RFTN1: variants seen among roughly 807,000 people sequenced by gnomAD.
The protein encoded by RFTN1 is raftlin.
A neutral mutation model predicts 46.5 loss-of-function variants in RFTN1; 26 were observed. That is an observed-to-expected ratio of 0.56 (90% CI 0.41 to 0.78). RFTN1 has a LOEUF of 0.78. RFTN1 is among the 30% of genes least tolerant of loss of function. The pLI, the probability that RFTN1 is intolerant of heterozygous loss-of-function variation, is 0.00. For missense variants in RFTN1, 693 were observed against 718.7 expected, an observed-to-expected ratio of 0.96 and a Z score of 0.41; for synonymous variants, 261 against 284.2, an observed-to-expected ratio of 0.92 and a Z score of 0.82.
At chr3:16,486,716 G>A (rs529246136) in intron 2 of RFTN1, among the ~76,000 whole-genome samples, 2 of 152,346 alleles carry the variant, frequency 1.3e-5, no homozygotes, top group African/African-American at 4.8e-5. Context: ...CTAGCATCAA[G>A]TACTGGTTCT....
Position 16,409,491 on chromosome 3 carries a change from G to A in RFTN1, c.333-8C>T. On this transcript the variant is annotated splice_region_variant and splice_polypyrimidine_tract_variant and intron_variant, in intron 3 of 9. Coordinates refer to ENST00000334133, the MANE Select transcript of RFTN1 (RefSeq NM_015150.2). ...AGATCAGTTTTCTGAGATCTGAAGA[G>A]AAAGAAAAGCACACACAGAAACAGA... 1 of 1,554,686 alleles carries A rather than the reference G, an allele frequency of 6.4e-7. No homozygotes were observed. Among genetic ancestry groups the A allele is most frequent in the Middle Eastern group, 1.7e-4 (1 of 5,954 alleles).
At position 16,481,307 on chromosome 3, in the gene RFTN1, C is replaced by T. The variant is rs1392553793; in HGVS notation, c.145+12418G>A. On this transcript the variant is annotated intron_variant, in intron 2 of 9. Transcript: ENST00000334133. This position sits in a 1 kb window ranked among gnomAD's most constrained non-coding sequence, Gnocchi z 5.1. ...CAGAAAAACTTAAAGCTACGTCACA[C>T]ATATTATCTCATTTATCTTTTGAAA... Among the ~76,000 whole-genome samples, 5 of 152,162 alleles carry T rather than the reference C, an allele frequency of 3.3e-5. No individual in the cohort carries two copies. Among genetic ancestry groups the T allele is most frequent in the African/African-American group, 1.2e-4 (5 of 41,440 alleles).
chr3:16,375,246 G>A (rs1166046332), intron 5 of RFTN1, among the ~76,000 whole-genome samples: 1 of 152,070 alleles, frequency 6.6e-6, no homozygotes, highest in African/African-American at 2.4e-5. Flanking sequence ...ACAGTGAGTG[G>A]GCTTCCTAGG....
Position 16,421,676 on chromosome 3 carries a change from G to A in RFTN1, c.332+12175C>T, listed in dbSNP as rs79497780. ...AACATTGGTGTTTTAATCTCATACT[G>A]CGTCCCACAAAGCTCTTATGGGCAG... On this transcript the variant is annotated intron_variant, in intron 3 of 9. Transcript: ENST00000334133. This position sits in a 1 kb window ranked among gnomAD's most constrained non-coding sequence, Gnocchi z 4.6. Among the ~76,000 whole-genome samples the A allele has an allele frequency of 6.6e-6, 1 of 152,072 alleles. No individual in the cohort carries two copies. The highest frequency in any genetic ancestry group is 1.5e-5 in the Non-Finnish European group (1 of 68,018).
chr3:16,357,132 A>C (rs55896463), intron 7 of RFTN1, among the ~76,000 whole-genome samples: 7,778 of 82,418 alleles, frequency 0.094, 275 homozygotes, highest in Non-Finnish European at 0.14. Context: ...AAAAAAACAA[A>C]AAAACAAACA....
chr3:16,324,076 A>G (rs967883261), intron 8 of RFTN1, among the ~76,000 whole-genome samples: 1 of 152,032 alleles, frequency 6.6e-6, no homozygotes, highest in African/African-American at 2.4e-5. Flanking sequence ...GCCTCTAAAG[A>G]TGATAGAAGT....
At chr3:16,404,152 T>C (rs1271138821) in intron 4 of RFTN1, among the ~76,000 whole-genome samples, 2 of 46,156 alleles carry the variant, frequency 4.3e-5, no homozygotes, top group African/African-American at 2.0e-4. Flanking sequence ...ATACATTTTA[T>C]ATATATTATA....
chr3:16,408,962 G>T (rs1295506581), intron 4 of RFTN1, among the ~76,000 whole-genome samples: 1 of 152,232 alleles, frequency 6.6e-6, no homozygotes, highest in Admixed American at 6.5e-5. Flanking sequence ...TCCCTGGTAT[G>T]TTCGAATGTG....
chr3:16,431,185 G>A (rs887400712), intron 3 of RFTN1, among the ~76,000 whole-genome samples: 2 of 152,190 alleles, frequency 1.3e-5, no homozygotes, highest in African/African-American at 4.8e-5. Context: ...TAGAACGCAG[G>A]CCTCCTGGCC....
intron 3 of RFTN1, among the ~76,000 whole-genome samples, chr3:16,419,414 G>T (rs2075145293): frequency 6.6e-6 from 1 of 152,196 alleles, no homozygotes; most frequent in South Asian, 2.1e-4. Context: ...GATGTAGGAA[G>T]GGGGGAAGAA....
intron 1 of RFTN1, among the ~76,000 whole-genome samples, chr3:16,510,696 A>G (rs2076883368): frequency 6.6e-6 from 1 of 152,214 alleles, no homozygotes; most frequent in Admixed American, 6.5e-5. Flanking sequence ...TGGTATAACC[A>G]TGTTGGGAAA....
At position 16,380,702 on chromosome 3, in the gene RFTN1, TA is replaced by T. The variant is rs2073960166; in HGVS notation, c.442-2601del. ...GGGTGAGATCCAGCAATCTGTGTCT[TA>T]ACAAGTCCTCCGAGTGATTCCAATG... is the stretch of plus-strand genomic sequence containing the variant. On this transcript the variant is annotated intron_variant, in intron 4 of 9. Coordinates refer to ENST00000334133, the MANE Select transcript of RFTN1 (RefSeq NM_015150.2). The surrounding 1 kb of genome is among the most constrained non-coding windows in gnomAD (Gnocchi z 4.8). Among the ~76,000 whole-genome samples the T allele has an allele frequency of 6.6e-6, 1 of 152,170 alleles. No homozygotes were observed. Among genetic ancestry groups the T allele is most frequent in the Admixed American group, 6.5e-5 (1 of 15,278 alleles).
At position 16,434,653 on chromosome 3, in the gene RFTN1, AAC is replaced by A. The variant is rs1491175396; in HGVS notation, c.146-618_146-617del. 2.0e-5 allele frequency: 3 copies of A among 152,348 alleles called. No individual in the cohort carries two copies. In the East Asian group the frequency reaches 5.8e-4, roughly 29 times the overall value. The allele number at this position is 152,348 out of a possible 1,614,324, so 9.4% of individuals were successfully genotyped here. ...AAGTCATTTCCACCCTCTAAAAAAA[AAC>A]ACACAGAAATAAAGAAAGAAAGGAA... On this transcript the variant is annotated intron_variant, in intron 2 of 9. Transcript: ENST00000334133.
intron 2 of RFTN1, among the ~76,000 whole-genome samples, chr3:16,445,810 T>C (rs917313190): frequency 4.6e-5 from 7 of 152,180 alleles, no homozygotes; most frequent in African/African-American, 1.7e-4. Flanking sequence ...AACTTACATA[T>C]GTGGCTCAAA....
At position 16,337,050 on chromosome 3, in the gene RFTN1, G is replaced by A. The variant is rs2070925438; in HGVS notation, c.1147-10174C>T. ...CTGACAAATAGGATATGGCAGATGT[G>A]ACATTACGGTCATCCTGAACCTAGG... On this transcript the variant is annotated intron_variant, in intron 7 of 9. Coordinates refer to ENST00000334133, the MANE Select transcript of RFTN1 (RefSeq NM_015150.2). This position sits in a 1 kb window ranked among gnomAD's most constrained non-coding sequence, Gnocchi z 5.0. 1 of 152,184 alleles carries A rather than the reference G, an allele frequency of 6.6e-6. No homozygotes were observed. The highest frequency in any genetic ancestry group is 6.5e-5 in the Admixed American group (1 of 15,274). The allele number at this position is 152,184 out of a possible 1,614,324, so 9.4% of individuals were successfully genotyped here. A position where few individuals can be genotyped will look rare whatever the true frequency, so the allele number is the denominator to read the frequency against.
At chr3:16,326,654 A>T (rs978121093) in intron 8 of RFTN1, 119 bp downstream of exon 8, 2 of 740,986 alleles carry the variant, frequency 2.7e-6, no homozygotes, top group Admixed American at 2.8e-5. Flanking sequence ...GAGAGTTTAC[A>T]TAACTACCAG....
chr3:16,435,917 A>AATATATATCTAT (rs1269069904), intron 2 of RFTN1, among the ~76,000 whole-genome samples: 7 of 142,360 alleles, frequency 4.9e-5, no homozygotes, highest in African/African-American at 1.9e-4. Flanking sequence ...CAGAGATGTA[A>AATATATATCTAT]ATATATATAT....
In RFTN1 at chr3:16,489,900, T is replaced by A. The variant is rs1477453639; in HGVS notation, c.145+3825A>T. Among the ~76,000 whole-genome samples, 4 of 151,686 alleles carry A rather than the reference T, an allele frequency of 2.6e-5. No individual in the cohort carries two copies. Among genetic ancestry groups the A allele is most frequent in the Non-Finnish European group, 5.9e-5 (4 of 67,948 alleles). On this transcript the variant is annotated intron_variant, in intron 2 of 9. Transcript: ENST00000334133. This position sits in a 1 kb window ranked among gnomAD's most constrained non-coding sequence, Gnocchi z 4.0. Reference sequence around the variant, plus strand: ...TCCAGCCTAGGTGACAGAGCGAGACTCCATGTCAAAAAAAAACAAAATAAA... The same window carrying A: ...TCCAGCCTAGGTGACAGAGCGAGACACCATGTCAAAAAAAAACAAAATAAA...
chr3:16,493,653 G>A, intron 2 of RFTN1, 72 bp downstream of exon 2: 1 of 1,227,280 alleles, frequency 8.1e-7, no homozygotes, highest in Non-Finnish European at 1.1e-6. Context: ...CTCTCCAACT[G>A]CACCCCCATC....
Sources: allele counts gnomAD v4.1 joint callset (sites outside exome capture counted in the v4.1 genomes callset), GRCh38; gene constraint gnomAD v4.1.1; non-coding constraint Gnocchi (gnomAD v3.1); transcripts MANE v1.5; gene names NCBI Gene and HGNC (gene_info 2026-07-23, HGNC 2026-07-21).